APBB2: variants seen among roughly 807,000 people sequenced by gnomAD.
The protein encoded by APBB2 is Fe65-like 1.
A neutral mutation model predicts 82.5 loss-of-function variants in APBB2; 38 were observed. That is an observed-to-expected ratio of 0.46 (90% CI 0.36 to 0.60). The LOEUF is 0.60. Among genes scored for constraint, APBB2 ranks in the 20% least tolerant of loss-of-function variants. APBB2 has a pLI of 0.00. For missense variants in APBB2, 772 were observed against 972.3 expected, an observed-to-expected ratio of 0.79 and a Z score of 2.74; for synonymous variants, 341 against 368.2, an observed-to-expected ratio of 0.93 and a Z score of 0.85.
At chr4:40,892,305 A>C (rs1252228759) in intron 11 of APBB2, 1 of 152,270 alleles carries the variant, frequency 6.6e-6, no homozygotes, top group Non-Finnish European at 1.5e-5. Flanking sequence ...GTAAAGTCAA[A>C]CAACAGAAGA....
intron 4 of APBB2, among the ~76,000 whole-genome samples, chr4:41,054,654 A>T (rs1727200700): frequency 6.6e-6 from 1 of 152,176 alleles, no homozygotes. Context: ...AAAATTGCTT[A>T]ATCTTTTAAG....
intron 13 of APBB2, among the ~76,000 whole-genome samples, chr4:40,830,161 G>C (rs1751373350): frequency 6.8e-6 from 1 of 147,610 alleles, no homozygotes; most frequent in African/African-American, 2.5e-5. Context: ...TTAGAGCGAT[G>C]CCTGCCCTGC....
intron 6 of APBB2, among the ~76,000 whole-genome samples, chr4:40,947,541 G>A (rs902520753): frequency 1.6e-4 from 25 of 152,336 alleles, no homozygotes; most frequent in African/African-American, 3.6e-4. Context: ...TGAATGGCAC[G>A]AATCAGACTG....
intron 6 of APBB2, among the ~76,000 whole-genome samples, chr4:41,003,744 G>A (rs765298974): frequency 1.6e-4 from 25 of 152,148 alleles, no homozygotes; most frequent in Non-Finnish European, 2.9e-4. Context: ...ACAGAGTCTC[G>A]CTCTGTTGCT....
chr4:40,968,712 A>C (rs1165466935), intron 6 of APBB2, among the ~76,000 whole-genome samples: 1 of 152,044 alleles, frequency 6.6e-6, no homozygotes, highest in African/African-American at 2.4e-5. Context: ...CTGTTTTTCT[A>C]TCTGACACTA....
At chr4:41,082,946 T>C (rs1738196815) in intron 3 of APBB2, among the ~76,000 whole-genome samples, 1 of 151,606 alleles carries the variant, frequency 6.6e-6, no homozygotes, top group African/African-American at 2.4e-5. Context: ...GAAGATCACT[T>C]GAGGTCAGGA....
At chr4:40,986,288 C>A (rs1800410107) in intron 6 of APBB2, among the ~76,000 whole-genome samples, 1 of 152,226 alleles carries the variant, frequency 6.6e-6, no homozygotes, top group Admixed American at 6.5e-5. Context: ...CTGGTTGTCA[C>A]CATGCAATCC....
chr4:41,091,235 T>C (rs902605896), intron 3 of APBB2, among the ~76,000 whole-genome samples: 3 of 152,198 alleles, frequency 2.0e-5, no homozygotes, highest in African/African-American at 7.2e-5. Context: ...GAGTTAGATA[T>C]AGTCCTTGCG....
chr4:41,152,649 G>A (rs146824971), intron 1 of APBB2, among the ~76,000 whole-genome samples: 77 of 152,196 alleles, frequency 5.1e-4, no homozygotes, highest in African/African-American at 1.7e-3. Context: ...CTGATGACTC[G>A]CACTGCTGAT....
intron 10 of APBB2, among the ~76,000 whole-genome samples, chr4:40,918,109 T>G (rs1205604469): frequency 6.6e-6 from 1 of 152,244 alleles, no homozygotes; most frequent in African/African-American, 2.4e-5. Flanking sequence ...CACAATATTA[T>G]GAATATTTTC....
chr4:40,973,598 TA>T (rs1341957600), intron 6 of APBB2, among the ~76,000 whole-genome samples: 4 of 152,226 alleles, frequency 2.6e-5, no homozygotes, highest in Non-Finnish European at 5.9e-5. Flanking sequence ...CTGAGTGGTT[TA>T]AAACAACAGA....
At chr4:40,947,755 G>C (rs1208191901) in intron 6 of APBB2, among the ~76,000 whole-genome samples, 1 of 152,184 alleles carries the variant, frequency 6.6e-6, no homozygotes, top group African/African-American at 2.4e-5. Context: ...ATTGGTTTAA[G>C]GGATTTAAGC....
intron 10 of APBB2, among the ~76,000 whole-genome samples, chr4:40,921,669 G>A (rs1262829166): frequency 2.6e-5 from 4 of 152,140 alleles, no homozygotes; most frequent in Non-Finnish European, 5.9e-5. Context: ...TGGTGAAGAG[G>A]AGAAAAAAAC....
chr4:40,922,435 A>C (rs1781492188), intron 10 of APBB2, among the ~76,000 whole-genome samples: 1 of 152,230 alleles, frequency 6.6e-6, no homozygotes, highest in Non-Finnish European at 1.5e-5. Flanking sequence ...AAAATGTGGA[A>C]GGCTGACTAC....
At chr4:41,168,597 A>G (rs1373356669) in intron 1 of APBB2, among the ~76,000 whole-genome samples, 1 of 152,186 alleles carries the variant, frequency 6.6e-6, no homozygotes, top group Non-Finnish European at 1.5e-5. Flanking sequence ...TGTATTTTAC[A>G]AAAGTATTGG....
intron 1 of APBB2, among the ~76,000 whole-genome samples, chr4:41,168,336 ATT>A (rs1767274253): frequency 6.6e-6 from 1 of 151,938 alleles, no homozygotes; most frequent in African/African-American, 2.4e-5. Flanking sequence ...TGACAGAATA[ATT>A]TTGTCTGTTG....
At chr4:40,821,137 AT>A in intron 17 of APBB2, among the ~76,000 whole-genome samples, 1 of 152,324 alleles carries the variant, frequency 6.6e-6, no homozygotes, top group South Asian at 2.1e-4. Context: ...GAGTGTTGGG[AT>A]TACAGGCGTA....
chr4:40,908,752 G>T (rs1359915250), intron 10 of APBB2, among the ~76,000 whole-genome samples: 1 of 152,194 alleles, frequency 6.6e-6, no homozygotes, highest in African/African-American at 2.4e-5. Flanking sequence ...GCTTTGGGCT[G>T]GTCCCGAGGC....
chr4:40,951,513 A>G (rs544912472), intron 6 of APBB2, among the ~76,000 whole-genome samples: 22 of 152,376 alleles, frequency 1.4e-4, no homozygotes, highest in Admixed American at 3.3e-4. Context: ...CAGTGCAGCC[A>G]TGGCTTGGTG....
Sources: gnomAD v4.1 joint callset for allele counts (sites outside exome capture counted in the v4.1 genomes callset) on GRCh38, gnomAD v4.1.1 for gene constraint, MANE v1.5 for transcripts, NCBI Gene and HGNC (gene_info 2026-07-23, HGNC 2026-07-21) for gene names.